SORBS2: variants seen among roughly 807,000 people sequenced by gnomAD.
SORBS2 encodes sorbin and SH3 domain-containing protein 2.
A neutral mutation model predicts 97.7 loss-of-function variants in SORBS2; 46 were observed. That is an observed-to-expected ratio of 0.47 (90% CI 0.37 to 0.60). SORBS2 has a LOEUF of 0.60. Among genes scored for constraint, SORBS2 ranks in the 20% least tolerant of loss-of-function variants. SORBS2 has a pLI of 0.00. For synonymous variants in SORBS2, 476 were observed against 473.4 expected, an observed-to-expected ratio of 1.01 and a Z score of -0.07; for missense variants, 1,316 against 1,282.3, an observed-to-expected ratio of 1.03 and a Z score of -0.40.
chr4:185,620,995 T>A (rs2096711738), intron 7 of SORBS2, among the ~76,000 whole-genome samples: 2 of 152,236 alleles, frequency 1.3e-5, no homozygotes, highest in Admixed American at 1.3e-4. Flanking sequence ...TGCACTTACG[T>A]GACTTACATA....
At chr4:185,745,387 G>A (rs1032358345) in intron 2 of SORBS2, among the ~76,000 whole-genome samples, 12 of 152,058 alleles carry the variant, frequency 7.9e-5, no homozygotes, top group Non-Finnish European at 1.5e-4. Flanking sequence ...ATATTTTTTA[G>A]ACAGTTGTCT....
chr4:185,854,738 T>A (rs933783040), intron 1 of SORBS2, among the ~76,000 whole-genome samples: 2 of 149,928 alleles, frequency 1.3e-5, no homozygotes, highest in African/African-American at 4.9e-5. Context: ...GCTACAGAAA[T>A]CCCCACAAGA....
chr4:185,916,656 G>A (rs903508137), intron 1 of SORBS2, among the ~76,000 whole-genome samples: 3 of 152,160 alleles, frequency 2.0e-5, no homozygotes, highest in African/African-American at 7.2e-5. Context: ...TTACTTCCCA[G>A]GGGACATTTT....
chr4:185,716,409 C>T (rs552320464), intron 2 of SORBS2, among the ~76,000 whole-genome samples: 4 of 152,330 alleles, frequency 2.6e-5, no homozygotes, highest in South Asian at 2.1e-4. Context: ...TGCGTATACA[C>T]GAAGCACTTA....
chr4:185,807,055 A>AAG (rs2099160025), intron 1 of SORBS2, among the ~76,000 whole-genome samples: 2 of 152,370 alleles, frequency 1.3e-5, no homozygotes, highest in East Asian at 3.9e-4. Context: ...TCTCAGAGGG[A>AAG]AGAGAGAAAA....
Position 185,606,801 on chromosome 4 carries a change from A to T in SORBS2, c.2796+4979T>A, listed in dbSNP as rs1387257722. On this transcript the variant is annotated intron_variant, in intron 12 of 14. Transcript: ENST00000418609. The surrounding 1 kb of genome is among the most constrained non-coding windows in gnomAD (Gnocchi z 4.3). ...TCTGGATGCCTGACACAATCCCCTC[A>T]TAGATGCCCTCATCTTCCTCTCCAA... 1 of 985,194 alleles carries T rather than the reference A, an allele frequency of 1.0e-6. No individual in the cohort carries two copies. The allele number at this position is 985,194 out of a possible 1,614,324, so 61.0% of individuals were successfully genotyped here.
chr4:185,893,953 G>A (rs1265483746), intron 1 of SORBS2, among the ~76,000 whole-genome samples: 2 of 152,146 alleles, frequency 1.3e-5, no homozygotes, highest in African/African-American at 4.8e-5. Context: ...ATCCGGATGA[G>A]GAAGACAAGG....
chr4:185,944,949 C>A (rs966190273), intron 1 of SORBS2, among the ~76,000 whole-genome samples: 1 of 152,182 alleles, frequency 6.6e-6, no homozygotes, highest in Admixed American at 6.5e-5. Context: ...CAGCAGCCAA[C>A]AATTTATAGG....
intron 1 of SORBS2, among the ~76,000 whole-genome samples, chr4:185,784,232 C>T (rs1385411330): frequency 6.6e-6 from 1 of 152,100 alleles, no homozygotes; most frequent in Non-Finnish European, 1.5e-5. Flanking sequence ...CCCGGGTTCA[C>T]ACCATTCTCC....
chr4:185,712,591 G>A (rs896226800), intron 2 of SORBS2, among the ~76,000 whole-genome samples: 1 of 152,218 alleles, frequency 6.6e-6, no homozygotes, highest in Non-Finnish European at 1.5e-5. Context: ...CACTTAAGCC[G>A]CCCGTGGACA....
exon 7 of SORBS2, chr4:185,622,974 G>T (rs1561472594): frequency 2.5e-6 from 4 of 1,614,088 alleles, no homozygotes; most frequent in African/African-American, 2.7e-5. Flanking sequence ...TCCACGTCTT[G>T]GAAAGAGGCA....
rs966018551 is a variant in SORBS2, at chr4:185,756,620, A to G, written c.-198+18607T>C. On this transcript the variant is annotated intron_variant, in intron 2 of 20. Coordinates refer to the SORBS2 transcript ENST00000284776. ...CTTACAGGTAATATGTAATATAAGT[A>G]ACATCCAGGGATGGATCCTGAAGCG... 2.6e-4 allele frequency among the ~76,000 whole-genome samples: 40 copies of G among 152,192 alleles called. 1 individual carries two copies. The highest frequency in any genetic ancestry group is 2.2e-3 in the Admixed American group (34 of 15,270).
Position 185,607,245 on chromosome 4 carries a change from G to A in SORBS2, c.2796+4535C>T, listed in dbSNP as rs1561371740. ...CCAAAGGGTTTGCTGGTAGACATGA[G>A]GCTGTCAGGGACAACCAGCCCTGGC... On this transcript the variant is annotated intron_variant, in intron 12 of 14. Coordinates refer to ENST00000418609, the Ensembl canonical transcript of SORBS2. The surrounding 1 kb of genome is among the most constrained non-coding windows in gnomAD (Gnocchi z 5.2). 1 of 1,224,828 alleles carries A rather than the reference G, an allele frequency of 8.2e-7. No homozygotes were observed. Among genetic ancestry groups the A allele is most frequent in the Non-Finnish European group, 1.0e-6 (1 of 960,744 alleles). 75.9% of individuals were successfully genotyped at this position (1,224,828 alleles called of 1,614,324 possible). A position where few individuals can be genotyped will look rare whatever the true frequency, so the allele number is the denominator to read the frequency against.
intron 1 of SORBS2, among the ~76,000 whole-genome samples, chr4:185,840,028 A>C (rs759530845): frequency 9.8e-4 from 149 of 152,238 alleles, no homozygotes; most frequent in Non-Finnish European, 1.9e-3. Context: ...AGAGGAGAGG[A>C]GCATCTCTGA....
chr4:185,871,398 A>G (rs538698352), intron 1 of SORBS2, among the ~76,000 whole-genome samples: 4 of 152,344 alleles, frequency 2.6e-5, no homozygotes, highest in East Asian at 1.9e-4. Flanking sequence ...TTAGGTAACT[A>G]CAAGTGCTAT....
At chr4:185,889,444 A>G (rs114288573) in intron 1 of SORBS2, among the ~76,000 whole-genome samples, 1 of 150,554 alleles carries the variant, frequency 6.6e-6, no homozygotes, top group African/African-American at 2.4e-5. Flanking sequence ...CACCTCTGCT[A>G]TTTTTTTTCA....
At chr4:185,713,807 T>C (rs1359181286) in intron 2 of SORBS2, among the ~76,000 whole-genome samples, 1 of 152,258 alleles carries the variant, frequency 6.6e-6, no homozygotes, top group Non-Finnish European at 1.5e-5. Context: ...TGTCATGATA[T>C]TGCAGCCTGG....
At chr4:185,864,561 C>A (rs2099225717) in intron 1 of SORBS2, among the ~76,000 whole-genome samples, 1 of 152,148 alleles carries the variant, frequency 6.6e-6, no homozygotes, top group Admixed American at 6.5e-5. Flanking sequence ...GAAGTGGAGG[C>A]AGGCAAAGAA....
At chr4:185,879,194 G>T (rs1403313973) in intron 1 of SORBS2, among the ~76,000 whole-genome samples, 1 of 103,034 alleles carries the variant, frequency 9.7e-6, no homozygotes, top group Admixed American at 1.3e-4. Context: ...GACAGGCCCC[G>T]GTGTGTGATG....
Sources: gnomAD v4.1 joint callset for allele counts (sites outside exome capture counted in the v4.1 genomes callset) on GRCh38, gnomAD v4.1.1 for gene constraint, Gnocchi (gnomAD v3.1) non-coding constraint, MANE v1.5 for transcripts, NCBI Gene and HGNC (gene_info 2026-07-23, HGNC 2026-07-21) for gene names.